The following PSAT1 variants were observed in gnomAD, a reference collection of about 807,000 sequenced individuals.
PSAT1 encodes phosphoserine aminotransferase.
A neutral mutation model predicts 40.3 loss-of-function variants in PSAT1; 41 were observed. That is an observed-to-expected ratio of 1.02 (90% CI 0.79 to 1.32). The LOEUF (loss-of-function observed/expected upper bound fraction) is 1.32. Among genes scored for constraint, PSAT1 ranks in the 40% most tolerant of loss-of-function variants. PSAT1 has a pLI of 0.00. For missense variants in PSAT1, 406 were observed against 455.8 expected, an observed-to-expected ratio of 0.89 and a Z score of 0.99; for synonymous variants, 147 against 170.5, an observed-to-expected ratio of 0.86 and a Z score of 1.07.
intron 7 of PSAT1, among the ~76,000 whole-genome samples, chr9:78,326,955 A>ATATATATATTTTT: frequency 1.3e-5 from 1 of 75,934 alleles, no homozygotes; most frequent in African/African-American, 9.5e-5. Flanking sequence ...ATATATATAT[A>ATATATATATTTTT]TTTTTTTTTT....
intron 7 of PSAT1, among the ~76,000 whole-genome samples, chr9:78,321,030 GT>G (rs771697029): frequency 3.6e-4 from 54 of 152,094 alleles, no homozygotes; most frequent in Non-Finnish European, 6.5e-4. Flanking sequence ...CCACGCCTAG[GT>G]CCTTTAACTC....
At chr9:78,299,397 G>C (rs1410026843) in intron 1 of PSAT1, among the ~76,000 whole-genome samples, 1 of 150,864 alleles carries the variant, frequency 6.6e-6, no homozygotes, top group African/African-American at 2.4e-5. Flanking sequence ...TTTACTAAAA[G>C]AAAAGATTCA....
At position 78,312,711 on chromosome 9, in the gene PSAT1, T is replaced by TA. The variant is rs555053351; in HGVS notation, c.740+4130dup. Reference sequence around the variant, plus strand: ...AACTCCATCTCAAAAATAATAATAATAATAAATAAATAAAAGAATGGGAGC... The same window carrying TA: ...AACTCCATCTCAAAAATAATAATAATAAATAAATAAATAAAAGAATGGGAGC... On this transcript the variant is annotated intron_variant, in intron 6 of 8. Transcript: ENST00000376588. Among the ~76,000 whole-genome samples, 270 of 151,916 alleles carry TA rather than the reference T, an allele frequency of 1.8e-3. 1 individual carries two copies. Among genetic ancestry groups the TA allele is most frequent in the African/African-American group, 6.2e-3 (258 of 41,444 alleles).
chr9:78,321,665 C>T (rs746771862), intron 7 of PSAT1, among the ~76,000 whole-genome samples: 1 of 152,122 alleles, frequency 6.6e-6, no homozygotes, highest in Non-Finnish European at 1.5e-5. Flanking sequence ...ATAAGACAAC[C>T]ATCGAAGCCT....
chr9:78,324,419 G>T (rs1828469195), intron 7 of PSAT1, among the ~76,000 whole-genome samples: 1 of 152,128 alleles, frequency 6.6e-6, no homozygotes, highest in Non-Finnish European at 1.5e-5. Context: ...GCAGCCCTGG[G>T]ATTTCCAGCT....
rs117247486 is a variant in PSAT1, at chr9:78,308,682, G to A, written c.740+99G>A. The A allele has an allele frequency of 1.6e-3, 2,288 of 1,421,844 alleles. 63 individuals are homozygous for A. In the East Asian group the frequency reaches 0.05, roughly 31 times the overall value. 88.1% of individuals were successfully genotyped at this position (1,421,844 alleles called of 1,614,324 possible). On this transcript the variant is annotated intron_variant, in intron 6 of 8. Transcript: ENST00000376588. ...TAAAATAAAACATGTAAGCCTGGGC[G>A]CGGTGGCTCACACCTGTAATCTTAG... is the stretch of plus-strand genomic sequence containing the variant.
Position 78,308,591 on chromosome 9 carries a change from T to C in PSAT1, c.740+8T>C, listed in dbSNP as rs773782109. 2.5e-6 allele frequency: 4 copies of C among 1,613,804 alleles called. No homozygotes were observed. The African/African-American group carries it at 5.3e-5, about 22-fold the overall frequency. ...CACGCCTCCATGTTTCAGGTAACTC[T>C]GGGAGTCAGTCTTGTGGACCCAGGG... On this transcript the variant is annotated splice_region_variant and intron_variant, in intron 6 of 8. Coordinates refer to ENST00000376588, the MANE Select transcript of PSAT1 (RefSeq NM_058179.4).
At chr9:78,319,249 G>A (rs186021404) in intron 7 of PSAT1, among the ~76,000 whole-genome samples, 185 of 152,274 alleles carry the variant, frequency 1.2e-3, no homozygotes, top group African/African-American at 4.0e-3. Context: ...ACCCATGGGC[G>A]GGCAGTGCTG....
At chr9:78,320,380 TCACC>T (rs1828411423) in intron 7 of PSAT1, among the ~76,000 whole-genome samples, 1 of 134,762 alleles carries the variant, frequency 7.4e-6, no homozygotes, top group African/African-American at 2.9e-5. Flanking sequence ...ATCCATCCAT[TCACC>T]CACCCATCCA....
chr9:78,306,293 C>G, intron 4 of PSAT1, 21 bp from the exon 5 acceptor site: 1 of 1,611,974 alleles, frequency 6.2e-7, no homozygotes, highest in South Asian at 1.1e-5. Flanking sequence ...TGCAAAGTCT[C>G]AAACTTGTCT....
At chr9:78,300,173 C>T (rs1828086882) in intron 1 of PSAT1, among the ~76,000 whole-genome samples, 1 of 152,162 alleles carries the variant, frequency 6.6e-6, no homozygotes, top group Admixed American at 6.5e-5. Context: ...CTGCCCACCC[C>T]ACGCTTCCCA....
chr9:78,316,200 AC>A (rs1009086244), intron 6 of PSAT1, among the ~76,000 whole-genome samples: 2 of 152,220 alleles, frequency 1.3e-5, no homozygotes, highest in African/African-American at 4.8e-5. Context: ...TGTGTGGCCC[AC>A]CTGCCACGTG....
rs534436884 is a variant in PSAT1 at position 78,320,475 on chromosome 9, C to G, written c.869+2671C>G. Among the ~76,000 whole-genome samples, 6 of 151,094 alleles carry G rather than the reference C, an allele frequency of 4.0e-5. No individual in the cohort carries two copies. The South Asian group carries it at 1.3e-3, about 32-fold the overall frequency. ...ATCACCCACCCATCTATTCATTCAC[C>G]CTTCCACCTATCTACCCATCTATCT... On this transcript the variant is annotated intron_variant, in intron 7 of 8. Coordinates refer to ENST00000376588, the MANE Select transcript of PSAT1 (RefSeq NM_058179.4).
In PSAT1 at chr9:78,328,156, T is replaced by G; in HGVS notation, c.975T>G (p.Leu325=). The change falls in exon 8 of 9, where the codon CTT becomes CTG. Residue 325 remains leucine, a synonymous_variant. Coordinates refer to ENST00000376588, the MANE Select transcript of PSAT1 (RefSeq NM_058179.4). ...AAAAAAGATTTCTTGATAAAGCTCT[T>G]GAACTCAATATGTTGTCCTTGAAAG... ...ALEKRFLDKA[L]ELNMLSLKGH... 6.2e-7 allele frequency: 1 copy of G among 1,613,850 alleles called. No individual in the cohort carries two copies. The highest frequency in any genetic ancestry group is 8.5e-7 in the Non-Finnish European group (1 of 1,180,024).
At chr9:78,309,464 G>A (rs1016554508) in intron 6 of PSAT1, among the ~76,000 whole-genome samples, 1 of 152,226 alleles carries the variant, frequency 6.6e-6, no homozygotes, top group Non-Finnish European at 1.5e-5. Flanking sequence ...CCAGGTTCAA[G>A]CGATTCTCCT....
At chr9:78,315,494 G>A (rs909442068) in intron 6 of PSAT1, among the ~76,000 whole-genome samples, 30 of 152,194 alleles carry the variant, frequency 2.0e-4, no homozygotes, top group Non-Finnish European at 4.4e-5. Flanking sequence ...CTGACTTCTT[G>A]GACGTTAGCC....
intron 6 of PSAT1, among the ~76,000 whole-genome samples, chr9:78,313,663 G>C (rs1828298977): frequency 6.6e-6 from 1 of 152,076 alleles, no homozygotes; most frequent in South Asian, 2.1e-4. Flanking sequence ...ATTTTTGTTA[G>C]AGACAGGGTC....
intron 3 of PSAT1, among the ~76,000 whole-genome samples, chr9:78,302,828 C>A (rs1396442165): frequency 6.6e-6 from 1 of 151,238 alleles, no homozygotes; most frequent in African/African-American, 2.4e-5. Flanking sequence ...TTTTAACAGG[C>A]TCTTTGGGTA....
At chr9:78,302,733 C>CA (rs373285782) in intron 3 of PSAT1, among the ~76,000 whole-genome samples, 1,139 of 104,072 alleles carry the variant, frequency 0.011, 50 homozygotes, top group African/African-American at 0.028. Flanking sequence ...GACTCCGTCT[C>CA]AAAAAAAAAA....
Sources: gnomAD v4.1 joint callset for allele counts (sites outside exome capture counted in the v4.1 genomes callset) on GRCh38, gnomAD v4.1.1 for gene constraint, MANE v1.5 for transcripts, NCBI Gene and HGNC (gene_info 2026-07-23, HGNC 2026-07-21) for gene names.